Variants in AHI1 observed in about 807,000 individuals in gnomAD.
The protein encoded by AHI1 is Abelson helper integration site 1.
A neutral mutation model predicts 149.3 loss-of-function variants in AHI1; 123 were observed. The ratio of observed to expected loss-of-function variants is 0.82; its 90% CI spans 0.71 to 0.96. The LOEUF (loss-of-function observed/expected upper bound fraction) is 0.96. AHI1 is among the 40% of genes least tolerant of loss of function. AHI1 has a pLI of 0.00. For synonymous variants in AHI1, 475 were observed against 459.8 expected, an observed-to-expected ratio of 1.03 and a Z score of -0.42; for missense variants, 1,439 against 1,422.7, an observed-to-expected ratio of 1.01 and a Z score of -0.18.
intron 24 of AHI1, among the ~76,000 whole-genome samples, chr6:135,349,105 C>T (rs1791682524): frequency 6.6e-6 from 1 of 152,182 alleles, no homozygotes; most frequent in Non-Finnish European, 1.5e-5. Context: ...CTGCCTCAGC[C>T]TCCAGAGTGG....
At chr6:135,390,718 T>C (rs1465561296) in intron 23 of AHI1, among the ~76,000 whole-genome samples, 2 of 152,186 alleles carry the variant, frequency 1.3e-5, no homozygotes, top group African/African-American at 4.8e-5. Flanking sequence ...AGAAATTGAG[T>C]AATAAAAGTT....
chr6:135,422,212 G>T (rs1783274640), intron 20 of AHI1, among the ~76,000 whole-genome samples: 1 of 152,066 alleles, frequency 6.6e-6, no homozygotes, highest in African/African-American at 2.4e-5. Flanking sequence ...TATTGTAAAA[G>T]GAGTTATATT....
intron 8 of AHI1, among the ~76,000 whole-genome samples, chr6:135,461,154 T>C (rs1789820297): frequency 6.6e-6 from 1 of 151,980 alleles, no homozygotes; most frequent in African/African-American, 2.4e-5. Flanking sequence ...GATATAAATG[T>C]GGGTAGGTAT....
At chr6:135,341,999 T>C (rs1790443883) in intron 24 of AHI1, among the ~76,000 whole-genome samples, 1 of 151,698 alleles carries the variant, frequency 6.6e-6, no homozygotes. Context: ...ATTAGTGAAA[T>C]AAAAATTGGT....
intron 26 of AHI1, chr6:135,301,894 C>T (rs1269643488): frequency 1.0e-6 from 1 of 985,310 alleles, no homozygotes; most frequent in African/African-American, 1.7e-5. Context: ...TCATCAAAAC[C>T]TCAGAAAGCA....
At chr6:135,475,537 C>G (rs149948036) in intron 5 of AHI1, among the ~76,000 whole-genome samples, 34 of 152,306 alleles carry the variant, frequency 2.2e-4, no homozygotes, top group African/African-American at 8.2e-4. Context: ...GGTTTGGAGT[C>G]TGAGCAGCTG....
chr6:135,484,286 C>A (rs560538544), intron 5 of AHI1, among the ~76,000 whole-genome samples: 13 of 152,214 alleles, frequency 8.5e-5, no homozygotes, highest in African/African-American at 3.1e-4. Context: ...GGGACACAGC[C>A]AAACCATGTC....
chr6:135,356,684 G>T (rs960681315), intron 24 of AHI1, among the ~76,000 whole-genome samples: 4 of 151,982 alleles, frequency 2.6e-5, no homozygotes, highest in Middle Eastern at 3.2e-3. Flanking sequence ...TAATACTAAA[G>T]AATAAAATTT....
At chr6:135,312,122 A>G (rs1210577023) in intron 26 of AHI1, among the ~76,000 whole-genome samples, 1 of 152,236 alleles carries the variant, frequency 6.6e-6, no homozygotes, top group East Asian at 1.9e-4. Flanking sequence ...TAAAAAGGAA[A>G]GAAAATGATT....
chr6:135,304,598 C>T (rs762252360), intron 26 of AHI1, among the ~76,000 whole-genome samples: 2 of 151,772 alleles, frequency 1.3e-5, no homozygotes, highest in African/African-American at 2.4e-5. Context: ...AGTGAAACCC[C>T]GGTCTCTACT....
chr6:135,409,702 T>G (rs968806358), intron 21 of AHI1, among the ~76,000 whole-genome samples: 3 of 152,058 alleles, frequency 2.0e-5, no homozygotes, highest in Admixed American at 2.0e-4. Context: ...TCTTTTTTTC[T>G]CCCCCCCATT....
intron 5 of AHI1, among the ~76,000 whole-genome samples, chr6:135,478,434 CT>C (rs1172732642): frequency 1.4e-4 from 22 of 152,160 alleles, no homozygotes; most frequent in Admixed American, 1.4e-3. Flanking sequence ...CACTGTGACC[CT>C]GCTCTAGAGA....
chr6:135,287,298 G>GA (rs1331101296), intron 28 of AHI1, among the ~76,000 whole-genome samples: 2 of 152,232 alleles, frequency 1.3e-5, no homozygotes, highest in Admixed American at 6.5e-5. Context: ...AATTCAACTC[G>GA]AAAAATCTAA....
intron 23 of AHI1, among the ~76,000 whole-genome samples, chr6:135,361,781 T>C (rs982312075): frequency 6.6e-6 from 1 of 152,124 alleles, no homozygotes; most frequent in South Asian, 2.1e-4. Context: ...TTTATATATA[T>C]GTATACGTGT....
intron 20 of AHI1, among the ~76,000 whole-genome samples, chr6:135,418,562 A>G (rs907206357): frequency 2.0e-5 from 3 of 152,126 alleles, no homozygotes; most frequent in African/African-American, 7.2e-5. Context: ...GACGGAGGAA[A>G]TAAGATATTT....
At chr6:135,325,741 C>T (rs897418683) in intron 24 of AHI1, among the ~76,000 whole-genome samples, 4 of 152,076 alleles carry the variant, frequency 2.6e-5, no homozygotes, top group Admixed American at 2.6e-4. Context: ...CCTGTTGTTC[C>T]TTATCCTGGG....
At position 135,345,991 on chromosome 6, in the gene AHI1, T is replaced by A. The variant is rs562831293; in HGVS notation, c.3165+12141A>T. Among the ~76,000 whole-genome samples the A allele has an allele frequency of 6.6e-5, 10 of 151,824 alleles. No individual in the cohort carries two copies. The South Asian group carries it at 1.9e-3, about 29-fold the overall frequency. ...TGGCCATGGAAATGGACAAAAGAGG[T>A]GAGACTGTGGAAATATAATCAAAGG... On this transcript the variant is annotated intron_variant, in intron 24 of 28. Coordinates refer to ENST00000265602, the MANE Select transcript of AHI1 (RefSeq NM_001134831.2).
At chr6:135,313,851 A>C (rs1181083006) in intron 26 of AHI1, among the ~76,000 whole-genome samples, 1 of 152,210 alleles carries the variant, frequency 6.6e-6, no homozygotes, top group Non-Finnish European at 1.5e-5. Context: ...TGTTAACTCA[A>C]GGGTAATAGA....
intron 24 of AHI1, among the ~76,000 whole-genome samples, chr6:135,346,860 T>C (rs1162106195): frequency 1.3e-5 from 2 of 152,210 alleles, no homozygotes; most frequent in African/African-American, 4.8e-5. Flanking sequence ...ACTCTGCCAG[T>C]GCACTTCAAA....
Sources: allele counts gnomAD v4.1 joint callset (sites outside exome capture counted in the v4.1 genomes callset), GRCh38; gene constraint gnomAD v4.1.1; transcripts MANE v1.5; gene names NCBI Gene and HGNC (gene_info 2026-07-23, HGNC 2026-07-21).